SPIDR: variants seen among roughly 807,000 people sequenced by gnomAD.
The protein encoded by SPIDR is DNA repair-scaffolding protein.
SPIDR carries 93 observed loss-of-function variants against 104.6 expected under a neutral mutation model. That is an observed-to-expected ratio of 0.89 (90% CI 0.75 to 1.06). SPIDR has a LOEUF of 1.06. Among genes scored for constraint, SPIDR ranks in the 50% least tolerant of loss-of-function variants. The probability of loss-of-function intolerance (pLI) is 0.00; values close to 1 mark genes in which losing one functional copy is unlikely to be tolerated. For synonymous variants in SPIDR, 431 were observed against 416.9 expected, an observed-to-expected ratio of 1.03 and a Z score of -0.41; for missense variants, 1,154 against 1,111.2, an observed-to-expected ratio of 1.04 and a Z score of -0.55.
chr8:47,497,324 T>G (rs2079607043), intron 8 of SPIDR, among the ~76,000 whole-genome samples: 1 of 152,304 alleles, frequency 6.6e-6, no homozygotes, highest in South Asian at 2.1e-4. Flanking sequence ...CTGTCTTTTT[T>G]AATACAGTCA....
At chr8:47,703,237 A>C (rs1435622525) in intron 14 of SPIDR, among the ~76,000 whole-genome samples, 1 of 152,098 alleles carries the variant, frequency 6.6e-6, no homozygotes, top group Non-Finnish European at 1.5e-5. Flanking sequence ...AGTTATCCAG[A>C]GTTATTTTCT....
chr8:47,485,769 T>TC (rs1486915061), intron 8 of SPIDR, among the ~76,000 whole-genome samples: 3 of 152,046 alleles, frequency 2.0e-5, no homozygotes, highest in Non-Finnish European at 4.4e-5. Context: ...TCCAGCAAAC[T>TC]CCAACAGACC....
At chr8:47,527,176 A>T (rs768140550) in intron 8 of SPIDR, among the ~76,000 whole-genome samples, 3 of 152,192 alleles carry the variant, frequency 2.0e-5, no homozygotes. Flanking sequence ...AAAGGTAGCC[A>T]TTTAACAGTA....
intron 6 of SPIDR, among the ~76,000 whole-genome samples, chr8:47,398,942 G>A (rs1554660459): frequency 1.3e-5 from 2 of 152,182 alleles, no homozygotes; most frequent in Admixed American, 6.5e-5. Flanking sequence ...GTGATTCCAC[G>A]GTGAAAGGCA....
intron 2 of SPIDR, among the ~76,000 whole-genome samples, chr8:47,280,441 G>A (rs2037523132): frequency 6.7e-6 from 1 of 148,668 alleles, no homozygotes; most frequent in African/African-American, 2.5e-5. Flanking sequence ...CACCCAGGCT[G>A]GAGTGCAGTG....
At chr8:47,662,150 C>G (rs1037084324) in intron 10 of SPIDR, among the ~76,000 whole-genome samples, 3 of 152,222 alleles carry the variant, frequency 2.0e-5, no homozygotes, top group Non-Finnish European at 4.4e-5. Flanking sequence ...GCTCTCCAGC[C>G]TCTGCCTTGA....
chr8:47,463,087 G>T (rs957232213), intron 8 of SPIDR, among the ~76,000 whole-genome samples: 1 of 151,996 alleles, frequency 6.6e-6, no homozygotes, highest in Admixed American at 6.6e-5. Context: ...GGCCGGGCGC[G>T]GTGACTCACG....
chr8:47,488,735 A>G (rs1158132474), intron 8 of SPIDR, among the ~76,000 whole-genome samples: 1 of 152,202 alleles, frequency 6.6e-6, no homozygotes, highest in African/African-American at 2.4e-5. Flanking sequence ...ATATAAACGG[A>G]ACCAAAGACA....
In SPIDR at chr8:47,433,611, TG is replaced by T. The variant is rs558329126; in HGVS notation, c.878-6710del. 1.8e-3 allele frequency among the ~76,000 whole-genome samples: 280 copies of T among 152,328 alleles called. 2 individuals carry two copies. The highest frequency in any genetic ancestry group is 3.4e-3 in the Non-Finnish European group (232 of 68,036). ...TGATAGTCCTTTTTCTTTTGGCATT[TG>T]GAAGGCCTAAATGATCGTAAGAATT... On this transcript the variant is annotated intron_variant, in intron 7 of 19. Coordinates refer to ENST00000297423, the MANE Select transcript of SPIDR (RefSeq NM_001080394.4).
chr8:47,476,079 CA>C (rs2076256874), intron 8 of SPIDR, among the ~76,000 whole-genome samples: 1 of 152,100 alleles, frequency 6.6e-6, no homozygotes, highest in Non-Finnish European at 1.5e-5. Flanking sequence ...TAAGGGTAGC[CA>C]TTGTAACACA....
intron 8 of SPIDR, 110 bp downstream of exon 8, chr8:47,440,652 G>C (rs2069240582): frequency 1.8e-6 from 2 of 1,088,812 alleles, no homozygotes; most frequent in Non-Finnish European, 1.3e-6. Flanking sequence ...CAATGCGAGA[G>C]GAAGAGAGCC....
chr8:47,461,437 A>T (rs568510724), intron 8 of SPIDR, among the ~76,000 whole-genome samples: 5 of 152,010 alleles, frequency 3.3e-5, no homozygotes, highest in Non-Finnish European at 7.4e-5. Flanking sequence ...TCAGCCTCCC[A>T]GGTATCTGGG....
intron 8 of SPIDR, among the ~76,000 whole-genome samples, chr8:47,445,528 A>G (rs782535628): frequency 1.3e-5 from 2 of 152,186 alleles, no homozygotes; most frequent in Non-Finnish European, 2.9e-5. Flanking sequence ...TATGCCCTCT[A>G]AGTGTTCACA....
At chr8:47,667,954 G>A (rs922768026) in intron 10 of SPIDR, 10 of 151,502 alleles carry the variant, frequency 6.6e-5, no homozygotes, top group Non-Finnish European at 1.2e-4. Flanking sequence ...TTTGAAAATA[G>A]ACAAGATGGA....
chr8:47,586,916 G>A (rs149453770), intron 8 of SPIDR, among the ~76,000 whole-genome samples: 3,342 of 152,164 alleles, frequency 0.022, 99 homozygotes, highest in East Asian at 0.088. Context: ...CTACAGGCAC[G>A]TGCCAGCACA....
chr8:47,654,386 T>C (rs2072292667), intron 10 of SPIDR, among the ~76,000 whole-genome samples: 1 of 152,174 alleles, frequency 6.6e-6, no homozygotes, highest in South Asian at 2.1e-4. Context: ...CAACTGGATG[T>C]GAAAGGAAAT....
intron 7 of SPIDR, among the ~76,000 whole-genome samples, chr8:47,415,800 A>C (rs1354913511): frequency 4.0e-4 from 61 of 152,316 alleles, no homozygotes; most frequent in Admixed American, 3.5e-3. Context: ...GCCAAGATGG[A>C]CTAAGATACT....
At chr8:47,512,037 A>G in intron 8 of SPIDR, 1 of 713,660 alleles carries the variant, frequency 1.4e-6, no homozygotes, top group Admixed American at 1.9e-5. Flanking sequence ...TCGCTAGCGC[A>G]ATCTGCAAGT....
intron 8 of SPIDR, among the ~76,000 whole-genome samples, chr8:47,516,651 AT>A (rs896867697): frequency 4.6e-5 from 7 of 151,942 alleles, no homozygotes; most frequent in Admixed American, 2.6e-4. Context: ...TATATGCCAC[AT>A]TTTTTTTATC....
Sources: allele counts gnomAD v4.1 joint callset (sites outside exome capture counted in the v4.1 genomes callset), GRCh38; gene constraint gnomAD v4.1.1; transcripts MANE v1.5; gene names NCBI Gene and HGNC (gene_info 2026-07-23, HGNC 2026-07-21).